The following SH3RF3 variants were observed in gnomAD, a reference collection of about 807,000 sequenced individuals.
The protein encoded by SH3RF3 is E3 ubiquitin-protein ligase SH3RF3.
SH3RF3 carries 29 observed loss-of-function variants against 66.3 expected under a neutral mutation model. That is an observed-to-expected ratio of 0.44 (90% CI 0.33 to 0.60). The LOEUF (loss-of-function observed/expected upper bound fraction) is 0.60, where lower values mean the gene tolerates loss of function less well. Among genes scored for constraint, SH3RF3 ranks in the 20% least tolerant of loss-of-function variants. The pLI is 0.04. For synonymous variants in SH3RF3, 583 were observed against 532.0 expected (o/e 1.10, Z -1.32); for missense variants, 1,194 against 1,190.9 (o/e 1.00, Z -0.04).
intron 4 of SH3RF3, among the ~76,000 whole-genome samples, chr2:109,413,594 A>G (rs1479205701): frequency 1.3e-5 from 2 of 151,988 alleles, no homozygotes; most frequent in African/African-American, 2.4e-5. Context: ...AGCTTTGTCT[A>G]CAAGCCCAAA....
chr2:109,307,825 G>T (rs1202878940), intron 1 of SH3RF3, among the ~76,000 whole-genome samples: 44 of 141,848 alleles, frequency 3.1e-4, no homozygotes, highest in Non-Finnish European at 4.5e-5. Context: ...GTCTATCATT[G>T]TTGGACATTT....
At chr2:109,325,342 T>C (rs1429468458) in intron 1 of SH3RF3, among the ~76,000 whole-genome samples, 7 of 132,488 alleles carry the variant, frequency 5.3e-5, no homozygotes, top group African/African-American at 1.8e-4. Flanking sequence ...TTTTTTTTTT[T>C]TTTTTTTTTT....
intron 1 of SH3RF3, among the ~76,000 whole-genome samples, chr2:109,186,166 G>C (rs1413645684): frequency 6.6e-6 from 1 of 152,240 alleles, no homozygotes; most frequent in African/African-American, 2.4e-5. Flanking sequence ...CCCAGCATTT[G>C]AAAATGTCAT....
intron 1 of SH3RF3, among the ~76,000 whole-genome samples, chr2:109,293,630 CT>C (rs1375221597): frequency 3.3e-5 from 5 of 152,244 alleles, no homozygotes; most frequent in Non-Finnish European, 5.9e-5. Context: ...TCCAAGACTC[CT>C]TCATTTGTCT....
At chr2:109,268,899 G>A (rs1488444896) in intron 1 of SH3RF3, among the ~76,000 whole-genome samples, 1 of 152,108 alleles carries the variant, frequency 6.6e-6, no homozygotes, top group African/African-American at 2.4e-5. Context: ...ATTTATGTTG[G>A]GTTTATCAAA....
In SH3RF3 at chr2:109,298,537, C is replaced by T. The variant is rs562408461; in HGVS notation, c.574-49137C>T. Among the ~76,000 whole-genome samples the T allele has an allele frequency of 7.9e-4, 120 of 152,204 alleles. 2 individuals are homozygous for T. The South Asian group carries it at 0.023, about 29-fold the overall frequency. Reference sequence around the variant, plus strand: ...TCCAGGTGGTGAGCCCCACCCTGACCTTGACTTTGGCCAACTGTTGTCTGC... The same window carrying T: ...TCCAGGTGGTGAGCCCCACCCTGACTTTGACTTTGGCCAACTGTTGTCTGC... On this transcript the variant is annotated intron_variant, in intron 1 of 9. Transcript: ENST00000309415.
At chr2:109,318,471 G>A (rs1333276873) in intron 1 of SH3RF3, among the ~76,000 whole-genome samples, 6 of 152,168 alleles carry the variant, frequency 3.9e-5, no homozygotes, top group African/African-American at 1.2e-4. Context: ...CGGCATACGC[G>A]TTTATCTGAG....
intron 1 of SH3RF3, among the ~76,000 whole-genome samples, chr2:109,262,213 A>G (rs77103437): frequency 0.25 from 38,518 of 152,208 alleles, 5,294 homozygotes; most frequent in East Asian, 0.46. Context: ...AAGAAGACCA[A>G]CATCATGATT....
chr2:109,374,590 G>A (rs1426292721), intron 3 of SH3RF3, among the ~76,000 whole-genome samples: 1 of 152,162 alleles, frequency 6.6e-6, no homozygotes, highest in Non-Finnish European at 1.5e-5. Flanking sequence ...CTTCCATCTT[G>A]GGCTACTGCA....
intron 8 of SH3RF3, among the ~76,000 whole-genome samples, chr2:109,463,841 C>G (rs1387773274): frequency 2.0e-5 from 3 of 152,174 alleles, no homozygotes; most frequent in Admixed American, 6.5e-5. Context: ...CCCTTTCTCC[C>G]TGTCACAACT....
intron 4 of SH3RF3, among the ~76,000 whole-genome samples, chr2:109,403,435 A>G (rs945964483): frequency 6.6e-6 from 1 of 152,210 alleles, no homozygotes; most frequent in Admixed American, 6.5e-5. Context: ...CCGAGGCCCC[A>G]GGGGTAGTGG....
intron 3 of SH3RF3, among the ~76,000 whole-genome samples, chr2:109,372,214 T>C (rs2105685601): frequency 6.6e-6 from 1 of 152,366 alleles, no homozygotes; most frequent in Non-Finnish European, 1.5e-5. Context: ...CCAGACCTAC[T>C]AATTTCCTTT....
rs1391543407 is a variant in SH3RF3, at chr2:109,129,555, G to C, written c.15G>C (p.Ala5=). 6.7e-7 allele frequency: 1 copy of C among 1,492,494 alleles called. No individual in the cohort carries two copies. Among genetic ancestry groups the C allele is most frequent in the Non-Finnish European group, 8.9e-7 (1 of 1,128,728 alleles). The allele number at this position is 1,492,494 out of a possible 1,614,324, so 92.5% of individuals were successfully genotyped here. A position where few individuals can be genotyped will look rare whatever the true frequency, so the allele number is the denominator to read the frequency against. MLLG[A]SWLCASKAAA... ...GCGCCTCCCCCATGCTGCTCGGAGC[G>C]TCCTGGCTGTGCGCATCCAAGGCGG... Residue 5 remains alanine (A), a synonymous_variant, in exon 1 of 10, where the codon GCG becomes GCC. Coordinates refer to ENST00000309415, the MANE Select transcript of SH3RF3 (RefSeq NM_001099289.3).
At chr2:109,418,545 T>C (rs772923881) in intron 4 of SH3RF3, among the ~76,000 whole-genome samples, 1 of 152,122 alleles carries the variant, frequency 6.6e-6, no homozygotes, top group Non-Finnish European at 1.5e-5. Flanking sequence ...TCACATGGGC[T>C]TCCTTCCCCT....
intron 1 of SH3RF3, among the ~76,000 whole-genome samples, chr2:109,159,482 A>G (rs1574479894): frequency 6.6e-6 from 1 of 152,320 alleles, no homozygotes; most frequent in Non-Finnish European, 1.5e-5. Flanking sequence ...GGCTTGTTTT[A>G]CAAGTCAGCT....
At chr2:109,271,619 A>C (rs769622627) in intron 1 of SH3RF3, among the ~76,000 whole-genome samples, 1 of 152,222 alleles carries the variant, frequency 6.6e-6, no homozygotes, top group Non-Finnish European at 1.5e-5. Flanking sequence ...CAATGGGGTG[A>C]GGCCCCGTGT....
At chr2:109,491,217 T>A (rs1679124521) in intron 9 of SH3RF3, among the ~76,000 whole-genome samples, 1 of 152,094 alleles carries the variant, frequency 6.6e-6, no homozygotes. Context: ...TGTTTCTGAG[T>A]GCAAATAGTG....
At chr2:109,242,653 T>C (rs186803101) in intron 1 of SH3RF3, among the ~76,000 whole-genome samples, 106 of 152,260 alleles carry the variant, frequency 7.0e-4, no homozygotes, top group African/African-American at 2.1e-3. Context: ...AAAACTCCAG[T>C]AAAATTAATC....
intron 9 of SH3RF3, among the ~76,000 whole-genome samples, chr2:109,494,204 G>A (rs947073022): frequency 5.9e-4 from 90 of 152,156 alleles, no homozygotes; most frequent in African/African-American, 2.0e-3. Context: ...AAAGTCATGG[G>A]CATCTCTGAT....
Sources: gnomAD v4.1 joint callset for allele counts (sites outside exome capture counted in the v4.1 genomes callset) on GRCh38, gnomAD v4.1.1 for gene constraint, MANE v1.5 for transcripts, NCBI Gene and HGNC (gene_info 2026-07-23, HGNC 2026-07-21) for gene names.